Variants in HS2ST1 observed in about 807,000 individuals in gnomAD.
HS2ST1 encodes the protein heparan sulfate 2-O-sulfotransferase 1.
HS2ST1 carries 18 observed loss-of-function variants against 42.9 expected under a neutral mutation model. That is an observed-to-expected ratio of 0.42 (90% CI 0.29 to 0.62). The LOEUF is 0.62. Among genes scored for constraint, HS2ST1 ranks in the 20% least tolerant of loss-of-function variants. The pLI is 0.21. For synonymous variants in HS2ST1, 146 were observed against 152.9 expected (o/e 0.95, Z 0.33); for missense variants, 334 against 433.8 (o/e 0.77, Z 2.04).
In HS2ST1 at chr1:87,105,173, C is replaced by G. The variant is rs1295546578; in HGVS notation, c.*477C>G. On this transcript the variant is annotated 3_prime_UTR_variant, in exon 7 of 7. Transcript: ENST00000370550. ...TGTACTTTGTTTTTGTGAGTCATGT[C>G]TCATGAAATTTATTGGAATGTTTAA... is the stretch of plus-strand genomic sequence containing the variant. 6.5e-6 allele frequency: 1 copy of G among 152,768 alleles called. No homozygotes were observed. Among genetic ancestry groups the G allele is most frequent in the African/African-American group, 2.4e-5 (1 of 41,428 alleles). The allele number at this position is 152,768 out of a possible 1,614,324, so 9.5% of individuals were successfully genotyped here.
At chr1:87,044,469 TAAAAAC>T (rs1650597110) in intron 1 of HS2ST1, among the ~76,000 whole-genome samples, 1 of 152,212 alleles carries the variant, frequency 6.6e-6, no homozygotes, top group Admixed American at 6.5e-5. Context: ...ATTTAACATT[TAAAAAC>T]AAGTTTCAAT....
intron 1 of HS2ST1, among the ~76,000 whole-genome samples, chr1:87,016,941 A>G (rs778976599): frequency 1.1e-4 from 16 of 151,642 alleles, no homozygotes; most frequent in Non-Finnish European, 2.2e-4. Flanking sequence ...GTTGTTACAT[A>G]TGATATGTTA....
chr1:87,091,385 C>CA (rs1479747456), intron 3 of HS2ST1, among the ~76,000 whole-genome samples: 1 of 151,842 alleles, frequency 6.6e-6, no homozygotes, highest in Non-Finnish European at 1.5e-5. Context: ...AAAGTTAGAT[C>CA]AATAAGGTGG....
intron 2 of HS2ST1, among the ~76,000 whole-genome samples, chr1:87,076,534 TAAAA>T (rs754578281): frequency 6.6e-6 from 1 of 152,158 alleles, no homozygotes; most frequent in Non-Finnish European, 1.5e-5. Context: ...GTTGAAAAGT[TAAAA>T]GAAGGATATT....
chr1:86,957,786 T>C (rs1647714824), intron 1 of HS2ST1, among the ~76,000 whole-genome samples: 1 of 147,656 alleles, frequency 6.8e-6, no homozygotes, highest in Non-Finnish European at 1.5e-5. Context: ...ATTAGAGGTT[T>C]TTTTAGATTT....
intron 2 of HS2ST1, among the ~76,000 whole-genome samples, chr1:87,078,000 G>A (rs1367691239): frequency 1.3e-5 from 2 of 152,200 alleles, no homozygotes; most frequent in African/African-American, 4.8e-5. Context: ...TTTCCTGTGA[G>A]TGTAGAAAAC....
At chr1:86,939,244 T>G (rs1482680578) in intron 1 of HS2ST1, among the ~76,000 whole-genome samples, 4 of 152,230 alleles carry the variant, frequency 2.6e-5, no homozygotes, top group Non-Finnish European at 5.9e-5. Context: ...ACACTTACTT[T>G]AGAGTAAAGC....
At chr1:86,936,902 C>T (rs939072447) in intron 1 of HS2ST1, among the ~76,000 whole-genome samples, 6 of 148,530 alleles carry the variant, frequency 4.0e-5, no homozygotes, top group African/African-American at 1.5e-4. Flanking sequence ...TTGAGACCAG[C>T]CTGGCCAACA....
chr1:86,919,717 G>A (rs540602094), intron 1 of HS2ST1, among the ~76,000 whole-genome samples: 1 of 152,194 alleles, frequency 6.6e-6, no homozygotes, highest in South Asian at 2.1e-4. Context: ...TCCTTTAATG[G>A]CAAGGATCAC....
chr1:86,956,160 T>C (rs558672299), intron 1 of HS2ST1, among the ~76,000 whole-genome samples: 2 of 148,644 alleles, frequency 1.3e-5, no homozygotes, highest in East Asian at 3.9e-4. Context: ...TGGAAAGGAC[T>C]TCAGCAACAA....
At chr1:87,088,187 T>C (rs1000962297) in intron 3 of HS2ST1, among the ~76,000 whole-genome samples, 4 of 152,080 alleles carry the variant, frequency 2.6e-5, no homozygotes, top group Non-Finnish European at 2.9e-5. Context: ...CAACTCTTAA[T>C]TGGGCATTGT....
rs1660108157 is a variant in HS2ST1, at chr1:86,914,970, C to T, written c.-67C>T. ...CGGCTCGGCGGGCTCCTCCCGGCGT[C>T]TCTCTCGCCTCCGGGGTCCCGCTCC... On this transcript the variant is annotated 5_prime_UTR_variant, in exon 1 of 7. Coordinates refer to ENST00000370550, the MANE Select transcript of HS2ST1 (RefSeq NM_012262.4). 6.3e-7 allele frequency: 1 copy of T among 1,597,860 alleles called. No individual in the cohort carries two copies. The highest frequency in any genetic ancestry group is 8.5e-7 in the Non-Finnish European group (1 of 1,173,560).
At chr1:87,041,936 T>A (rs1172552844) in intron 1 of HS2ST1, among the ~76,000 whole-genome samples, 1 of 152,172 alleles carries the variant, frequency 6.6e-6, no homozygotes, top group African/African-American at 2.4e-5. Context: ...GATTCTGACT[T>A]CAGTTCTTTT....
chr1:86,988,258 C>G (rs1221018026), intron 1 of HS2ST1, among the ~76,000 whole-genome samples: 1 of 152,168 alleles, frequency 6.6e-6, no homozygotes, highest in East Asian at 1.9e-4. Flanking sequence ...CCCAGAACAC[C>G]CAGAACTTTG....
intron 2 of HS2ST1, among the ~76,000 whole-genome samples, chr1:87,078,352 A>G (rs1651598004): frequency 6.6e-6 from 1 of 152,136 alleles, no homozygotes; most frequent in Non-Finnish European, 1.5e-5. Flanking sequence ...AAAAACCCCA[A>G]CACCATTACC....
chr1:87,065,594 T>C (rs1320072472), intron 1 of HS2ST1, among the ~76,000 whole-genome samples: 2 of 152,216 alleles, frequency 1.3e-5, no homozygotes, highest in Non-Finnish European at 2.9e-5. Context: ...GTGGTTGGGC[T>C]CTAAGAGGAA....
chr1:86,964,042 G>T (rs942188698), intron 1 of HS2ST1, among the ~76,000 whole-genome samples: 1 of 150,522 alleles, frequency 6.6e-6, no homozygotes, highest in Admixed American at 6.6e-5. Flanking sequence ...AGACGGGGTC[G>T]CGGCCGGGCA....
chr1:87,008,173 G>T (rs1344760941), intron 1 of HS2ST1, among the ~76,000 whole-genome samples: 1 of 152,064 alleles, frequency 6.6e-6, no homozygotes, highest in Non-Finnish European at 1.5e-5. Flanking sequence ...AATGTTTCCT[G>T]TATTAAATCT....
intron 1 of HS2ST1, among the ~76,000 whole-genome samples, chr1:87,060,478 C>G (rs1345568362): frequency 6.6e-6 from 1 of 152,046 alleles, no homozygotes; most frequent in Non-Finnish European, 1.5e-5. Flanking sequence ...GTAATGGTAT[C>G]CTGACATCAG....
Sources: allele counts gnomAD v4.1 joint callset (sites outside exome capture counted in the v4.1 genomes callset), GRCh38; gene constraint gnomAD v4.1.1; transcripts MANE v1.5; gene names NCBI Gene and HGNC (gene_info 2026-07-23, HGNC 2026-07-21).